The following TRIM71 variants were observed in gnomAD, a reference collection of about 807,000 sequenced individuals.
TRIM71 encodes tripartite motif containing 71, also known as E3 ubiquitin-protein ligase TRIM71.
TRIM71 carries 9 observed loss-of-function variants against 61.2 expected under a neutral mutation model. The ratio of observed to expected loss-of-function variants is 0.15; its 90% CI spans 0.09 to 0.26. TRIM71 has a LOEUF of 0.26. Ranked by LOEUF, TRIM71 falls within the 10% of genes least tolerant of loss-of-function variation. The probability of loss-of-function intolerance (pLI) is 1.00; values close to 1 mark genes in which losing one functional copy is unlikely to be tolerated. For missense variants in TRIM71, 998 were observed against 1,238.7 expected, an observed-to-expected ratio of 0.81 and a Z score of 2.92; for synonymous variants, 645 against 553.2, an observed-to-expected ratio of 1.17 and a Z score of -2.33.
chr3:32,837,544 G>A (rs918661249), intron 1 of TRIM71, among the ~76,000 whole-genome samples: 1 of 152,188 alleles, frequency 6.6e-6, no homozygotes, highest in East Asian at 1.9e-4. Context: ...ACGTCGCCGG[G>A]CGTGGTGGCT....
At chr3:32,872,230 A>G (rs571821714) in intron 1 of TRIM71, among the ~76,000 whole-genome samples, 35 of 152,292 alleles carry the variant, frequency 2.3e-4, no homozygotes, top group African/African-American at 8.2e-4. Flanking sequence ...TAAAAACACA[A>G]TATCCTAAAT....
intron 1 of TRIM71, among the ~76,000 whole-genome samples, chr3:32,834,997 AT>A (rs918439410): frequency 6.6e-6 from 1 of 152,126 alleles, no homozygotes; most frequent in Admixed American, 6.6e-5. Flanking sequence ...ATTTTTCCAG[AT>A]TTTTTTGTTT....
chr3:32,832,452 A>G (rs1174279702), intron 1 of TRIM71, among the ~76,000 whole-genome samples: 1 of 152,200 alleles, frequency 6.6e-6, no homozygotes, highest in African/African-American at 2.4e-5. Flanking sequence ...TGGGCAACAG[A>G]GTGAGATCCT....
intron 1 of TRIM71, among the ~76,000 whole-genome samples, chr3:32,873,393 T>C (rs1490251019): frequency 1.3e-5 from 2 of 152,176 alleles, no homozygotes; most frequent in Non-Finnish European, 2.9e-5. Flanking sequence ...AGGAAACTTT[T>C]CTGGTACATT....
In TRIM71 at chr3:32,874,357, CT is replaced by C. The variant is rs1412125747; in HGVS notation, c.1020+373del. Among the ~76,000 whole-genome samples the C allele has an allele frequency of 5.1e-4, 76 of 149,244 alleles. No homozygotes were observed. In the South Asian group the frequency reaches 5.4e-3, roughly 11 times the overall value. ...ACTACTACTACTACTACTACTACTA[CT>C]ACTACTACTACAACATATTTTTTGA... On this transcript the variant is annotated intron_variant, in intron 2 of 3. Coordinates refer to ENST00000383763, the MANE Select transcript of TRIM71 (RefSeq NM_001039111.3).
At chr3:32,829,905 CT>C (rs1696250124) in intron 1 of TRIM71, among the ~76,000 whole-genome samples, 1 of 148,260 alleles carries the variant, frequency 6.7e-6, no homozygotes, top group Admixed American at 6.8e-5. Flanking sequence ...CTGCTTAATA[CT>C]AAATTTACTG....
chr3:32,850,678 T>G (rs1299036331), intron 1 of TRIM71, among the ~76,000 whole-genome samples: 1 of 152,204 alleles, frequency 6.6e-6, no homozygotes. Flanking sequence ...ATGAACATTC[T>G]TTGAATTTTA....
Position 32,882,497 on chromosome 3 carries a change from G to A in TRIM71, c.1021-3437G>A, listed in dbSNP as rs1186229873. Among the ~76,000 whole-genome samples the A allele has an allele frequency of 5.9e-5, 9 of 152,034 alleles. No individual in the cohort carries two copies. In the East Asian group the frequency reaches 1.7e-3, roughly 29 times the overall value. On this transcript the variant is annotated intron_variant, in intron 2 of 3. Coordinates refer to ENST00000383763, the MANE Select transcript of TRIM71 (RefSeq NM_001039111.3). ...TCTTCAAACTACATGTATGGGAAAA[G>A]GACTTCTTCCCTTTTTCTTCCAATT...
chr3:32,886,641 AG>A (rs1356846167), intron 3 of TRIM71, among the ~76,000 whole-genome samples: 1 of 152,238 alleles, frequency 6.6e-6, no homozygotes. Flanking sequence ...GAGGAGAGTT[AG>A]GTCTATGAAA....
intron 1 of TRIM71, among the ~76,000 whole-genome samples, chr3:32,841,999 G>C (rs866278654): frequency 6.6e-6 from 1 of 152,058 alleles, no homozygotes; most frequent in East Asian, 1.9e-4. Context: ...AACTCCACTC[G>C]CTTCTGAGCA....
intron 1 of TRIM71, among the ~76,000 whole-genome samples, chr3:32,825,475 A>G (rs1188388364): frequency 6.6e-6 from 1 of 152,166 alleles, no homozygotes; most frequent in Non-Finnish European, 1.5e-5. Flanking sequence ...AGTTCTCTAC[A>G]CAGGGCAAGG....
intron 1 of TRIM71, among the ~76,000 whole-genome samples, chr3:32,836,737 G>A (rs1696338803): frequency 6.6e-6 from 1 of 152,170 alleles, no homozygotes; most frequent in Non-Finnish European, 1.5e-5. Context: ...GTTGGCTGTG[G>A]GTGAAGAGTA....
At chr3:32,888,738 C>T (rs542544300) in intron 3 of TRIM71, among the ~76,000 whole-genome samples, 1 of 152,292 alleles carries the variant, frequency 6.6e-6, no homozygotes, top group South Asian at 2.1e-4. Context: ...GAAGGTCTCA[C>T]TATGTTGGCC....
At chr3:32,879,645 C>T (rs1454940145) in intron 2 of TRIM71, among the ~76,000 whole-genome samples, 1 of 146,742 alleles carries the variant, frequency 6.8e-6, no homozygotes, top group Non-Finnish European at 1.5e-5. Context: ...TTGGTTGATG[C>T]AGTATTGCCA....
At chr3:32,822,386 A>G (rs1162847831) in intron 1 of TRIM71, among the ~76,000 whole-genome samples, 7 of 152,140 alleles carry the variant, frequency 4.6e-5, no homozygotes, top group African/African-American at 1.4e-4. Context: ...CCTGAAGAGA[A>G]AAGTTCTAGA....
At position 32,868,888 on chromosome 3, in the gene TRIM71, A is replaced by G. The variant is rs566484811; in HGVS notation, c.853-4930A>G. On this transcript the variant is annotated intron_variant, in intron 1 of 3. Coordinates refer to ENST00000383763, the MANE Select transcript of TRIM71 (RefSeq NM_001039111.3). ...TGAACTGGGTCCCTATTCCTTTCCT[A>G]TATTTATCCAGGCCATAGTTGTGGG... 8.5e-4 allele frequency among the ~76,000 whole-genome samples: 130 copies of G among 152,132 alleles called. 1 individual carries two copies. The highest frequency in any genetic ancestry group is 2.8e-3 in the African/African-American group (115 of 41,494).
Position 32,818,142 on chromosome 3 carries a change from C to T in TRIM71, c.62C>T (p.Ser21Leu), listed in dbSNP as rs779977577. Residue 21 changes from serine (S) to leucine (L), a missense_variant, in exon 1 of 4, where the codon TCG (serine) becomes TTG (leucine). Ser to Leu is a moderately radical substitution (Grantham distance 145). Around this residue, in one of 5 missense-constraint regions of TRIM71, gnomAD observed 527 missense variants for 427.8 expected, o/e 1.23. Transcript: ENST00000383763. ...ICLLCKEMCG[S>L]PAPLSSNSSA... The stretch of plus-strand genomic sequence containing the variant: ...TTGCTGTGCAAGGAGATGTGCGGCT[C>T]GCCGGCGCCGCTCTCCTCCAACTCG... 3.1e-6 allele frequency: 5 copies of T among 1,610,994 alleles called. No homozygotes were observed. The highest frequency in any genetic ancestry group is 2.3e-5 in the East Asian group (1 of 44,396).
intron 1 of TRIM71, among the ~76,000 whole-genome samples, chr3:32,840,553 T>C (rs910930052): frequency 6.6e-6 from 1 of 152,224 alleles, no homozygotes; most frequent in African/African-American, 2.4e-5. Context: ...AATTGTAATC[T>C]GTGCTGGAGA....
chr3:32,829,033 G>T lies in TRIM71; in HGVS notation c.852+10101G>T, dbSNP rs150780169. Among the ~76,000 whole-genome samples, 173 of 148,296 alleles carry T rather than the reference G, an allele frequency of 1.2e-3. 2 individuals are homozygous for T. In the East Asian group the frequency reaches 0.031, roughly 26 times the overall value. ...TTTTGACACGGACTTTCCCTCTGTC[G>T]CCCAGGCTGGAGTGCAGTGATGTGA... On this transcript the variant is annotated intron_variant, in intron 1 of 3. Coordinates refer to ENST00000383763, the MANE Select transcript of TRIM71 (RefSeq NM_001039111.3).
Sources: allele counts gnomAD v4.1 joint callset (sites outside exome capture counted in the v4.1 genomes callset), GRCh38; gene constraint gnomAD v4.1.1; regional missense constraint gnomAD v4.1.1; transcripts MANE v1.5; gene names NCBI Gene and HGNC (gene_info 2026-07-23, HGNC 2026-07-21).